Variants in STK38L observed in about 807,000 individuals in gnomAD.
STK38L encodes the protein serine/threonine-protein kinase 38-like.
A neutral mutation model predicts 59.7 loss-of-function variants in STK38L; 28 were observed. The ratio of observed to expected loss-of-function variants is 0.47; its 90% confidence interval spans 0.35 to 0.64. STK38L has a LOEUF of 0.64. STK38L is among the 30% of genes least tolerant of loss of function. The pLI, the probability that STK38L is intolerant of heterozygous loss-of-function variation, is 0.01. For synonymous variants in STK38L, 162 were observed against 176.8 expected (o/e 0.92, Z 0.66); for missense variants, 314 against 555.8 (o/e 0.56, Z 4.37).
intron 1 of STK38L, among the ~76,000 whole-genome samples, chr12:27,267,429 A>G (rs1313016514): frequency 5.3e-5 from 8 of 152,154 alleles, no homozygotes; most frequent in African/African-American, 1.9e-4. Flanking sequence ...AACAACCACA[A>G]CAACAAAAAA....
chr12:27,307,555 A>C (rs1944347576), intron 3 of STK38L, among the ~76,000 whole-genome samples: 1 of 152,180 alleles, frequency 6.6e-6, no homozygotes, highest in African/African-American at 2.4e-5. Context: ...AAATTTTTTC[A>C]CTGATATTGT....
Position 27,308,362 on chromosome 12 carries a change from C to T in STK38L, c.210C>T (p.His70=), listed in dbSNP as rs577911410. ...AGAAAAAGTTACGTCGATCACAACA[C>T]GCTCGCAAAGAAACAGAGTTCTTAC... is the stretch of plus-strand genomic sequence containing the variant. ...DEEKKLRRSQ[H]ARKETEFLRL... is the part of the protein sequence containing the mutation. The change falls in exon 4 of 14, where the codon CAC becomes CAT. Residue 70 remains histidine, a synonymous_variant. Transcript: ENST00000389032. This position sits in a 1 kb window ranked among gnomAD's most constrained non-coding sequence, Gnocchi z 4.5. 1.1e-4 allele frequency: 171 copies of T among 1,592,744 alleles called. 2 individuals are homozygous for T. The South Asian group carries it at 1.2e-3, about 12-fold the overall frequency.
intron 1 of STK38L, among the ~76,000 whole-genome samples, chr12:27,269,937 C>T (rs1943386385): frequency 6.6e-6 from 1 of 152,194 alleles, no homozygotes; most frequent in African/African-American, 2.4e-5. Flanking sequence ...GCAGCTGCAC[C>T]CGGCCAACTT....
intron 1 of STK38L, among the ~76,000 whole-genome samples, chr12:27,277,904 A>T (rs376164109): frequency 1.3e-5 from 2 of 152,220 alleles, no homozygotes; most frequent in East Asian, 1.9e-4. Flanking sequence ...ATGAGCTTAC[A>T]TACTAGGTCT....
At chr12:27,312,069 C>T (rs554387728) in intron 5 of STK38L, among the ~76,000 whole-genome samples, 28 of 152,178 alleles carry the variant, frequency 1.8e-4, no homozygotes, top group Admixed American at 1.6e-3. Flanking sequence ...TTAGTAGAGA[C>T]GGGGTTTCAC....
chr12:27,252,978 C>A (rs936002925), intron 1 of STK38L, among the ~76,000 whole-genome samples: 1 of 152,144 alleles, frequency 6.6e-6, no homozygotes, highest in Non-Finnish European at 1.5e-5. Context: ...GACTGTAATT[C>A]AAACAGAAAG....
At chr12:27,257,226 C>G (rs1943108528) in intron 1 of STK38L, among the ~76,000 whole-genome samples, 1 of 152,152 alleles carries the variant, frequency 6.6e-6, no homozygotes. Flanking sequence ...GGGAAGCCAG[C>G]CCATGTAATC....
chr12:27,307,885 G>A (rs754032032), intron 3 of STK38L, among the ~76,000 whole-genome samples: 1 of 152,136 alleles, frequency 6.6e-6, no homozygotes, highest in Non-Finnish European at 1.5e-5. Flanking sequence ...TCTACCACAA[G>A]TAAATCTCTT....
intron 1 of STK38L, among the ~76,000 whole-genome samples, chr12:27,296,066 A>G (rs1944012805): frequency 6.6e-6 from 1 of 152,234 alleles, no homozygotes. Context: ...ACTTGCCCCA[A>G]ACTTCAGTTC....
intron 1 of STK38L, among the ~76,000 whole-genome samples, chr12:27,292,908 A>C (rs1943927642): frequency 6.6e-6 from 1 of 152,182 alleles, no homozygotes; most frequent in South Asian, 2.1e-4. Context: ...ATATTTATCT[A>C]AAATGACCTC....
At chr12:27,310,060 A>C (rs1405683614) in intron 5 of STK38L, among the ~76,000 whole-genome samples, 1 of 152,234 alleles carries the variant, frequency 6.6e-6, no homozygotes, top group Non-Finnish European at 1.5e-5. Flanking sequence ...AAGGAAATGC[A>C]GTTGAAGGCT....
At chr12:27,258,667 G>A (rs12825917) in intron 1 of STK38L, among the ~76,000 whole-genome samples, 14,361 of 152,188 alleles carry the variant, frequency 0.094, 727 homozygotes, top group Middle Eastern at 0.16. Flanking sequence ...TTCACAATTT[G>A]TATTTAGCAT....
At chr12:27,278,968 A>G (rs1943594294) in intron 1 of STK38L, among the ~76,000 whole-genome samples, 1 of 152,186 alleles carries the variant, frequency 6.6e-6, no homozygotes, top group South Asian at 2.1e-4. Context: ...AATAATTTGG[A>G]GGATAAAAAA....
intron 1 of STK38L, among the ~76,000 whole-genome samples, chr12:27,282,591 G>A (rs765885004): frequency 6.6e-6 from 1 of 152,032 alleles, no homozygotes; most frequent in Non-Finnish European, 1.5e-5. Flanking sequence ...CCTAGTGTTG[G>A]TGCTGTCATA....
chr12:27,319,190 AT>A, intron 11 of STK38L, 137 bp from the exon 12 acceptor site: 1 of 576,246 alleles, frequency 1.7e-6, no homozygotes, highest in Non-Finnish European at 3.0e-6. Flanking sequence ...TTTCTTCCAC[AT>A]TTCCTACAAT....
intron 1 of STK38L, among the ~76,000 whole-genome samples, chr12:27,296,582 G>C (rs147847164): frequency 4.3e-4 from 66 of 152,328 alleles, no homozygotes; most frequent in African/African-American, 1.4e-3. Context: ...AAAGCAAGAT[G>C]GATGTTGTGG....
At chr12:27,263,128 C>G (rs1187385257) in intron 1 of STK38L, among the ~76,000 whole-genome samples, 1 of 152,092 alleles carries the variant, frequency 6.6e-6, no homozygotes, top group Non-Finnish European at 1.5e-5. Flanking sequence ...TCTCTCTCAC[C>G]TTGTATTTAG....
At chr12:27,297,998 T>G in intron 2 of STK38L, 144 bp downstream of exon 2, 1 of 980,090 alleles carries the variant, frequency 1.0e-6, no homozygotes, top group Non-Finnish European at 1.5e-6. Context: ...ACAGTGCACA[T>G]AGACATGTGT....
intron 1 of STK38L, among the ~76,000 whole-genome samples, chr12:27,284,155 T>C (rs1480939473): frequency 1.3e-5 from 2 of 152,196 alleles, no homozygotes; most frequent in Non-Finnish European, 1.5e-5. Flanking sequence ...GATATGGACA[T>C]GAGTGCTAGG....
Sources: gnomAD v4.1 joint callset for allele counts (sites outside exome capture counted in the v4.1 genomes callset) on GRCh38, gnomAD v4.1.1 for gene constraint, Gnocchi (gnomAD v3.1) non-coding constraint, MANE v1.5 for transcripts, NCBI Gene and HGNC (gene_info 2026-07-23, HGNC 2026-07-21) for gene names.